Variants in CACNB2 observed in about 807,000 individuals in gnomAD.
CACNB2 encodes calcium voltage-gated channel auxiliary subunit beta 2.
In CACNB2, 42 loss-of-function variants were observed where a neutral mutation model predicts 73.3. The observed-to-expected ratio is 0.57, with a 90% CI of 0.45 to 0.74. The LOEUF (loss-of-function observed/expected upper bound fraction) is 0.74, where lower values mean the gene tolerates loss of function less well. Ranked by LOEUF, CACNB2 falls within the 30% of genes least tolerant of loss-of-function variation. The pLI, the probability that CACNB2 is intolerant of heterozygous loss-of-function variation, is 0.00. For synonymous variants in CACNB2, 348 were observed against 310.3 expected, an observed-to-expected ratio of 1.12 and a Z score of -1.28; for missense variants, 940 against 853.0, an observed-to-expected ratio of 1.10 and a Z score of -1.27.
At chr10:18,515,058 G>A (rs1257013131) in intron 7 of CACNB2, 7 of 1,595,972 alleles carry the variant, frequency 4.4e-6, no homozygotes, top group Non-Finnish European at 6.0e-6. Context: ...TTTTCCTATT[G>A]TCATATATAA....
chr10:18,210,496 G>A (rs1275574321), intron 2 of CACNB2, among the ~76,000 whole-genome samples: 9 of 152,128 alleles, frequency 5.9e-5, no homozygotes, highest in Admixed American at 3.9e-4. Flanking sequence ...CTGTAGAGGC[G>A]ATAAATAGAA....
intron 9 of CACNB2, chr10:18,519,594 G>A (rs2051639295): frequency 2.4e-6 from 1 of 409,636 alleles, no homozygotes; most frequent in Admixed American, 2.8e-5. Context: ...ATCATCCTTT[G>A]CTCTCTCCTC....
At chr10:18,219,820 A>C (rs1234144909) in intron 2 of CACNB2, among the ~76,000 whole-genome samples, 2 of 150,614 alleles carry the variant, frequency 1.3e-5, no homozygotes, top group Non-Finnish European at 3.0e-5. Context: ...CCCAGGCTCA[A>C]GTGCTGAGGC....
At chr10:18,192,799 A>G (rs1018897431) in intron 2 of CACNB2, among the ~76,000 whole-genome samples, 1 of 152,198 alleles carries the variant, frequency 6.6e-6, no homozygotes, top group Non-Finnish European at 1.5e-5. Context: ...GACCACCCAC[A>G]TTGCAGCCAT....
intron 2 of CACNB2, among the ~76,000 whole-genome samples, chr10:18,356,051 G>A (rs1374475592): frequency 6.6e-6 from 1 of 152,108 alleles, no homozygotes; most frequent in Non-Finnish European, 1.5e-5. Context: ...CGGAGACTCT[G>A]GCACCCCAAG....
At chr10:18,413,868 C>T (rs2044776394) in intron 3 of CACNB2, among the ~76,000 whole-genome samples, 1 of 152,240 alleles carries the variant, frequency 6.6e-6, no homozygotes, top group Non-Finnish European at 1.5e-5. Context: ...CCTACTCTAG[C>T]CCTTGTGATG....
intron 2 of CACNB2, among the ~76,000 whole-genome samples, chr10:18,308,573 T>G (rs991265932): frequency 3.9e-5 from 6 of 152,216 alleles, no homozygotes; most frequent in Non-Finnish European, 8.8e-5. Flanking sequence ...GGCAAGTATA[T>G]TTTAAAATGG....
intron 2 of CACNB2, among the ~76,000 whole-genome samples, chr10:18,287,189 C>T (rs2038840168): frequency 6.6e-6 from 1 of 151,982 alleles, no homozygotes; most frequent in Non-Finnish European, 1.5e-5. Context: ...ATTAACCAGG[C>T]ATGGTGGCTT....
intron 3 of CACNB2, among the ~76,000 whole-genome samples, chr10:18,434,155 G>A (rs1022501790): frequency 5.3e-5 from 8 of 152,132 alleles, no homozygotes; most frequent in South Asian, 4.1e-4. Flanking sequence ...CTTCTAATTC[G>A]TTATAGGAGT....
chr10:18,539,669 CA>C lies in CACNB2; in HGVS notation c.1935del (p.Lys645AsnfsTer29). On this transcript the variant is annotated frameshift_variant, in exon 14 of 14. Coordinates refer to ENST00000324631, the MANE Select transcript of CACNB2 (RefSeq NM_201596.3). LOFTEE classifies it high-confidence loss of function. Reference protein sequence around the residue: ...RYCEKDGEVISKKRNEAGEWN... With the variant: ...RYCEKDGEVIXKKRNEAGEWN... ...TGTGAAAAGGATGGAGAAGTGATAT[CA>C]AAAAAACGGAATGAGGCTGGGGAGT... is the stretch of plus-strand genomic sequence containing the variant. 1 of 1,607,948 alleles carries C rather than the reference CA, an allele frequency of 6.2e-7. No homozygotes were observed. The highest frequency in any genetic ancestry group is 8.5e-7 in the Non-Finnish European group (1 of 1,178,154).
intron 3 of CACNB2, among the ~76,000 whole-genome samples, chr10:18,449,364 G>A (rs1266194239): frequency 2.0e-5 from 3 of 152,090 alleles, no homozygotes; most frequent in Admixed American, 6.5e-5. Flanking sequence ...CAGCCTGGGC[G>A]ACAGAGCGAG....
At chr10:18,506,410 A>G (rs1001820341) in intron 5 of CACNB2, 61 bp from the exon 6 acceptor site, 14 of 846,728 alleles carry the variant, frequency 1.7e-5, no homozygotes, top group Middle Eastern at 4.4e-4. Context: ...ACTGAATAAT[A>G]TAAATGTTTG....
At chr10:18,338,143 G>GA (rs1307142811) in intron 2 of CACNB2, among the ~76,000 whole-genome samples, 1 of 152,064 alleles carries the variant, frequency 6.6e-6, no homozygotes, top group African/African-American at 2.4e-5. Flanking sequence ...TGTGGGTTGG[G>GA]AAAAAATATT....
chr10:18,400,976 A>C (rs1180889097), intron 2 of CACNB2: 2 of 1,613,034 alleles, frequency 1.2e-6, no homozygotes, highest in Non-Finnish European at 1.7e-6. Context: ...CTCAGCGCGC[A>C]CTGAGAACCT....
At chr10:18,240,132 T>C (rs781602478) in intron 2 of CACNB2, among the ~76,000 whole-genome samples, 11 of 152,246 alleles carry the variant, frequency 7.2e-5, no homozygotes, top group Non-Finnish European at 1.0e-4. Context: ...TGGTTCACGC[T>C]TTGAACTAGC....
At chr10:18,503,218 G>A (rs928207832) in intron 5 of CACNB2, among the ~76,000 whole-genome samples, 30 of 152,302 alleles carry the variant, frequency 2.0e-4, no homozygotes, top group African/African-American at 6.0e-4. Context: ...GACCCGATAG[G>A]ATTCTTTCAA....
At chr10:18,211,533 G>A (rs1176927323) in intron 2 of CACNB2, among the ~76,000 whole-genome samples, 1 of 152,110 alleles carries the variant, frequency 6.6e-6, no homozygotes, top group Non-Finnish European at 1.5e-5. Flanking sequence ...TTTCCTACTT[G>A]CAGACTACCT....
intron 7 of CACNB2, among the ~76,000 whole-genome samples, chr10:18,515,636 G>C (rs1285223809): frequency 3.3e-5 from 5 of 152,178 alleles, no homozygotes; most frequent in African/African-American, 7.2e-5. Flanking sequence ...GGCAAAAATT[G>C]CAACACTTGG....
intron 3 of CACNB2, among the ~76,000 whole-genome samples, chr10:18,476,754 T>C (rs527975366): frequency 1.7e-4 from 26 of 152,302 alleles, no homozygotes; most frequent in African/African-American, 4.8e-4. Flanking sequence ...AGCTTATGCC[T>C]GTAATCTCAG....
Sources: gnomAD v4.1 joint callset for allele counts (sites outside exome capture counted in the v4.1 genomes callset) on GRCh38, gnomAD v4.1.1 for gene constraint, MANE v1.5 for transcripts, NCBI Gene and HGNC (gene_info 2026-07-23, HGNC 2026-07-21) for gene names.